NCKAP5: variants seen among roughly 807,000 people sequenced by gnomAD.
The protein encoded by NCKAP5 is NCK associated protein 5.
A neutral mutation model predicts 167.0 loss-of-function variants in NCKAP5; 92 were observed. The ratio of observed to expected loss-of-function variants is 0.55; its 90% CI spans 0.47 to 0.66. NCKAP5 has a LOEUF of 0.66. Ranked by LOEUF, NCKAP5 falls within the 30% of genes least tolerant of loss-of-function variation. NCKAP5 has a pLI of 0.00. For missense variants in NCKAP5, 2,378 were observed against 2,315.0 expected (o/e 1.03, Z -0.56); for synonymous variants, 891 against 877.4 (o/e 1.02, Z -0.27).
At chr2:133,500,914 C>T (rs1298847159) in intron 3 of NCKAP5, among the ~76,000 whole-genome samples, 1 of 152,168 alleles carries the variant, frequency 6.6e-6, no homozygotes, top group Non-Finnish European at 1.5e-5. Context: ...GGTCCCTATG[C>T]TTGATTAATC....
the NCKAP5 span, among the ~76,000 whole-genome samples, chr2:133,576,745 T>G: frequency 1.3e-5 from 2 of 152,186 alleles, no homozygotes; most frequent in African/African-American, 2.4e-5. Flanking sequence ...GAAAATAAAG[T>G]GCAGCTAATT....
chr2:133,065,921 C>G (rs1212131855), intron 6 of NCKAP5, among the ~76,000 whole-genome samples: 1 of 152,194 alleles, frequency 6.6e-6, no homozygotes, highest in Non-Finnish European at 1.5e-5. Flanking sequence ...GTTCATGTAG[C>G]TATTACAGTT....
At chr2:132,687,755 A>ACACACACACACC (rs138845809) in intron 19 of NCKAP5, among the ~76,000 whole-genome samples, 275 of 142,272 alleles carry the variant, frequency 1.9e-3, no homozygotes, top group African/African-American at 7.0e-3. Context: ...ACACACACAC[A>ACACACACACACC]CCCTTCCTCT....
intron 2 of NCKAP5, among the ~76,000 whole-genome samples, chr2:133,549,664 C>T (rs1419872124): frequency 7.4e-6 from 1 of 134,614 alleles, no homozygotes; most frequent in African/African-American, 2.8e-5. Flanking sequence ...AAATTGACAC[C>T]CTAACATCAC....
intron 8 of NCKAP5, among the ~76,000 whole-genome samples, chr2:132,885,789 T>A (rs1179862361): frequency 6.6e-6 from 1 of 152,270 alleles, no homozygotes; most frequent in African/African-American, 2.4e-5. Context: ...TCTGTAAGTA[T>A]GTATTATGTT....
chr2:132,786,665 A>C (rs1683595031), intron 13 of NCKAP5, among the ~76,000 whole-genome samples: 1 of 152,150 alleles, frequency 6.6e-6, no homozygotes, highest in Admixed American at 6.5e-5. Flanking sequence ...GGGGGAAAAA[A>C]AAAAGCTAAC....
chr2:133,464,302 A>C (rs923184097), intron 3 of NCKAP5, among the ~76,000 whole-genome samples: 6 of 152,228 alleles, frequency 3.9e-5, no homozygotes, highest in Admixed American at 2.0e-4. Flanking sequence ...CTTCTCTTTG[A>C]CATATATGAA....
intron 9 of NCKAP5, among the ~76,000 whole-genome samples, chr2:132,872,561 G>C (rs1171383283): frequency 1.3e-5 from 2 of 152,178 alleles, no homozygotes; most frequent in Non-Finnish European, 2.9e-5. Flanking sequence ...CTCAGCCAAG[G>C]GCTGGGGTGG....
At chr2:132,697,204 A>T (rs1687421647) in intron 19 of NCKAP5, among the ~76,000 whole-genome samples, 1 of 152,174 alleles carries the variant, frequency 6.6e-6, no homozygotes, top group Admixed American at 6.5e-5. Context: ...TATGCTTCTA[A>T]CAGTTATCCC....
At chr2:132,932,843 G>A (rs777214821) in intron 8 of NCKAP5, among the ~76,000 whole-genome samples, 15 of 152,012 alleles carry the variant, frequency 9.9e-5, no homozygotes, top group Admixed American at 2.0e-4. Flanking sequence ...ATACTGCAAG[G>A]GAAGAAAAGA....
At chr2:133,176,344 A>G (rs984641366) in intron 5 of NCKAP5, among the ~76,000 whole-genome samples, 4 of 152,260 alleles carry the variant, frequency 2.6e-5, no homozygotes, top group Non-Finnish European at 5.9e-5. Context: ...TTAAAAGGGC[A>G]TTGATCAAAA....
chr2:133,555,212 C>G (rs1687654883), intron 2 of NCKAP5, among the ~76,000 whole-genome samples: 1 of 152,216 alleles, frequency 6.6e-6, no homozygotes, highest in East Asian at 1.9e-4. Context: ...CTTTCTTCCA[C>G]CGACTAACAT....
intron 6 of NCKAP5, among the ~76,000 whole-genome samples, chr2:133,037,748 G>A (rs1387002820): frequency 6.6e-6 from 1 of 152,090 alleles, no homozygotes; most frequent in African/African-American, 2.4e-5. Flanking sequence ...CAATTCTTGA[G>A]CAATACCCCA....
At chr2:133,131,967 CA>C (rs3051214) in intron 5 of NCKAP5, among the ~76,000 whole-genome samples, 62 of 148,242 alleles carry the variant, frequency 4.2e-4, no homozygotes, top group East Asian at 3.0e-3. Flanking sequence ...AGAAACAGGC[CA>C]AAAAAAAAAT....
intron 8 of NCKAP5, among the ~76,000 whole-genome samples, chr2:132,956,165 G>T (rs1457019388): frequency 6.6e-6 from 1 of 152,120 alleles, no homozygotes; most frequent in Non-Finnish European, 1.5e-5. Context: ...ATTACATGTT[G>T]TATTATCAAT....
At chr2:133,078,585 C>T (rs748545948) in intron 6 of NCKAP5, among the ~76,000 whole-genome samples, 1 of 152,080 alleles carries the variant, frequency 6.6e-6, no homozygotes, top group Non-Finnish European at 1.5e-5. Flanking sequence ...AGACTCAATA[C>T]AGTGTGAGAG....
At chr2:132,870,479 C>G (rs1690723098) in intron 9 of NCKAP5, among the ~76,000 whole-genome samples, 2 of 151,890 alleles carry the variant, frequency 1.3e-5, no homozygotes. Flanking sequence ...TTCATTTATC[C>G]AATATAAATT....
chr2:133,484,897 C>G (rs1165267521), intron 3 of NCKAP5, among the ~76,000 whole-genome samples: 2 of 152,154 alleles, frequency 1.3e-5, no homozygotes, highest in African/African-American at 4.8e-5. Context: ...AATGACAACC[C>G]TAGACTAAGT....
chr2:132,873,891 G>A (rs992569434), intron 9 of NCKAP5, among the ~76,000 whole-genome samples: 1 of 152,054 alleles, frequency 6.6e-6, no homozygotes, highest in Non-Finnish European at 1.5e-5. Flanking sequence ...CATTCATTTA[G>A]TCATTCAACA....
Sources: gnomAD v4.1 joint callset for allele counts (sites outside exome capture counted in the v4.1 genomes callset) on GRCh38, gnomAD v4.1.1 for gene constraint, MANE v1.5 for transcripts, NCBI Gene and HGNC (gene_info 2026-07-23, HGNC 2026-07-21) for gene names.